Variants in TULP4 observed in about 807,000 individuals in gnomAD.
The protein encoded by TULP4 is tubby-related protein 4.
TULP4 carries 16 observed loss-of-function variants against 129.0 expected under a neutral mutation model. The ratio of observed to expected loss-of-function variants is 0.12; its 90% CI spans 0.08 to 0.19. The LOEUF (loss-of-function observed/expected upper bound fraction) is 0.19, where lower values mean the gene tolerates loss of function less well. Ranked by LOEUF, TULP4 falls within the 10% of genes least tolerant of loss-of-function variation. TULP4 has a pLI of 1.00. For missense variants in TULP4, 1,842 were observed against 2,059.1 expected (o/e 0.89, Z 2.04); for synonymous variants, 998 against 854.0 (o/e 1.17, Z -2.94).
At chr6:158,416,094 G>A (rs761345686) in intron 2 of TULP4, among the ~76,000 whole-genome samples, 1 of 152,182 alleles carries the variant, frequency 6.6e-6, no homozygotes, top group Non-Finnish European at 1.5e-5. Flanking sequence ...CATCCAGCAC[G>A]GGAGAGAGAT....
At chr6:158,494,681 T>C in intron 10 of TULP4, 72 bp from the exon 11 acceptor site, 1 of 1,387,026 alleles carries the variant, frequency 7.2e-7, no homozygotes. Context: ...ATATTAACAT[T>C]CTTACTGAGT....
rs1418491610 is a variant in TULP4, at chr6:158,510,431, T to C, written c.*3737T>C. On this transcript the variant is annotated 3_prime_UTR_variant, in exon 14 of 14. Transcript: ENST00000367097. ...GGCCTCCACTTGTCCATCTGTGAAA[T>C]GAAAGGATCAGCCTGGACAGCCCTC... is the stretch of plus-strand genomic sequence containing the variant. 6.6e-6 allele frequency: 1 copy of C among 152,198 alleles called. No homozygotes were observed. The allele number at this position is 152,198 out of a possible 1,614,324, so 9.4% of individuals were successfully genotyped here. A position where few individuals can be genotyped will look rare whatever the true frequency, so the allele number is the denominator to read the frequency against.
intron 1 of TULP4, among the ~76,000 whole-genome samples, chr6:158,239,157 G>C (rs1035947803): frequency 8.9e-6 from 1 of 112,088 alleles, no homozygotes; most frequent in African/African-American, 3.1e-5. Context: ...CTCACCTCCC[G>C]GACGAGGCGG....
chr6:158,265,753 A>G (rs1227211018), intron 1 of TULP4, among the ~76,000 whole-genome samples: 1 of 151,994 alleles, frequency 6.6e-6, no homozygotes, highest in Non-Finnish European at 1.5e-5. Context: ...GAGAATGAGG[A>G]TAAGAAGAAA....
rs74477874 is a variant in TULP4, at chr6:158,359,269, A to G, written c.252+45001A>G. Among the ~76,000 whole-genome samples, 306 of 152,302 alleles carry G rather than the reference A, an allele frequency of 2.0e-3. 2 individuals are homozygous for G. The highest frequency in any genetic ancestry group is 6.5e-3 in the African/African-American group (270 of 41,574). On this transcript the variant is annotated intron_variant, in intron 1 of 13. Transcript: ENST00000367097. ...AAGGAAAAAAAAATCGTTCTTTGCC[A>G]ATTACTGCTGTGTACCTTCCTGGTT... is the stretch of plus-strand genomic sequence containing the variant.
chr6:158,242,658 A>G, intron 1 of TULP4: 1 of 667,974 alleles, frequency 1.5e-6, no homozygotes. Context: ...TCCTTTCTGG[A>G]TAAGGCATAT....
chr6:158,416,037 G>C (rs1466349571), intron 2 of TULP4, among the ~76,000 whole-genome samples: 1 of 152,252 alleles, frequency 6.6e-6, no homozygotes, highest in Non-Finnish European at 1.5e-5. Context: ...GTAAGTCCAA[G>C]AGTCTAAAAG....
intron 1 of TULP4, among the ~76,000 whole-genome samples, chr6:158,343,574 A>T (rs921108208): frequency 1.3e-5 from 2 of 152,086 alleles, no homozygotes; most frequent in Non-Finnish European, 2.9e-5. Context: ...TCACATGAGG[A>T]TACAAGGAGA....
chr6:158,265,958 T>G (rs1016052092), intron 1 of TULP4, among the ~76,000 whole-genome samples: 5 of 152,220 alleles, frequency 3.3e-5, no homozygotes, highest in African/African-American at 1.2e-4. Flanking sequence ...TGCCTTTACC[T>G]TTTTGGTATT....
intron 1 of TULP4, among the ~76,000 whole-genome samples, chr6:158,405,646 G>A (rs1387814632): frequency 3.9e-5 from 6 of 152,076 alleles, no homozygotes; most frequent in Admixed American, 6.5e-5. Flanking sequence ...CCAGAGCCAC[G>A]AGCCCTGGAT....
intron 2 of TULP4, among the ~76,000 whole-genome samples, chr6:158,415,019 C>A (rs558251531): frequency 3.3e-5 from 5 of 152,298 alleles, no homozygotes; most frequent in Non-Finnish European, 5.9e-5. Flanking sequence ...TGTTCCCAAA[C>A]AAGAAATGAT....
chr6:158,241,682 C>T (rs901582297), intron 1 of TULP4, among the ~76,000 whole-genome samples: 9 of 152,268 alleles, frequency 5.9e-5, no homozygotes, highest in East Asian at 1.9e-4. Context: ...GCAACCTCTG[C>T]GTCTCTGGTT....
chr6:158,288,763 GT>G (rs1778875347), intron 1 of TULP4, among the ~76,000 whole-genome samples: 1 of 152,116 alleles, frequency 6.6e-6, no homozygotes, highest in African/African-American at 2.4e-5. Flanking sequence ...ACCTCCCAAA[GT>G]GCTGGGATTA....
chr6:158,250,213 A>C (rs1778113930), intron 1 of TULP4, among the ~76,000 whole-genome samples: 1 of 149,576 alleles, frequency 6.7e-6, no homozygotes, highest in Non-Finnish European at 1.5e-5. Context: ...GCTGGAGTGC[A>C]GTGGCACGAT....
intron 1 of TULP4, among the ~76,000 whole-genome samples, chr6:158,347,230 A>G (rs924802604): frequency 2.6e-5 from 4 of 152,248 alleles, no homozygotes; most frequent in African/African-American, 9.6e-5. Context: ...TTGCATTATA[A>G]TTAACTGAAA....
intron 3 of TULP4, among the ~76,000 whole-genome samples, chr6:158,438,464 G>GCAGCAC (rs1253770632): frequency 1.3e-5 from 2 of 152,228 alleles, no homozygotes; most frequent in Non-Finnish European, 2.9e-5. Context: ...ACGTGTTCCT[G>GCAGCAC]CTGAGGGCTT....
At chr6:158,332,200 A>AAAAAAAT (rs1779922248) in intron 1 of TULP4, among the ~76,000 whole-genome samples, 4 of 18,040 alleles carry the variant, frequency 2.2e-4, no homozygotes, top group Admixed American at 7.6e-4. Flanking sequence ...AAAAAAAAAA[A>AAAAAAAT]ATATATATAT....
Position 158,313,211 on chromosome 6 carries a change from G to A in TULP4, c.-806G>A, listed in dbSNP as rs1176572917. 2 of 329,042 alleles carry A rather than the reference G, an allele frequency of 6.1e-6. No individual in the cohort carries two copies. Among genetic ancestry groups the A allele is most frequent in the Non-Finnish European group, 1.1e-5 (2 of 183,492 alleles). The allele number at this position is 329,042 out of a possible 1,614,324, so 20.4% of individuals were successfully genotyped here. ...AAGGGGCCTTCTTTCTAGCCTCTAT[G>A]GCACTGAGGGGTGCGCCGGCTGGTG... On this transcript the variant is annotated 5_prime_UTR_variant, in exon 1 of 14. It removes an upstream start codon present in the reference 5' UTR. Coordinates refer to ENST00000367097, the MANE Select transcript of TULP4 (RefSeq NM_020245.5).
intron 1 of TULP4, among the ~76,000 whole-genome samples, chr6:158,265,564 C>A (rs933155075): frequency 3.9e-5 from 6 of 151,990 alleles, no homozygotes; most frequent in African/African-American, 1.2e-4. Flanking sequence ...TGCCTGTAGT[C>A]CCAGCTACTT....
Sources: allele counts gnomAD v4.1 joint callset (sites outside exome capture counted in the v4.1 genomes callset), GRCh38; gene constraint gnomAD v4.1.1; transcripts MANE v1.5; gene names NCBI Gene and HGNC (gene_info 2026-07-23, HGNC 2026-07-21).